The following CDH8 variants were observed in gnomAD, a reference collection of about 807,000 sequenced individuals.
The protein encoded by CDH8 is cadherin 8.
Under a neutral mutation model 68.1 loss-of-function variants are expected in CDH8, and 17 were observed. That is an observed-to-expected ratio of 0.25 (90% confidence interval 0.17 to 0.37). CDH8 has a LOEUF of 0.37. Ranked by LOEUF, CDH8 falls within the 10% of genes least tolerant of loss-of-function variation. The pLI is 1.00. For synonymous variants in CDH8, 372 were observed against 365.1 expected (o/e 1.02, Z -0.21); for missense variants, 763 against 999.3 (o/e 0.76, Z 3.19).
Position 61,752,286 on chromosome 16 carries a change from C to T in CDH8, c.1415-25071G>A, listed in dbSNP as rs573218269. ...TATGGCAGAGACTCTAAAAGAAGGG[C>T]ATGGTTAATGTCTTGAAGTAGTCAA... On this transcript the variant is annotated intron_variant, in intron 8 of 11. Transcript: ENST00000577390. Among the ~76,000 whole-genome samples the T allele has an allele frequency of 2.2e-4, 33 of 152,226 alleles. 1 individual carries two copies. In the South Asian group the frequency reaches 6.8e-3, roughly 32 times the overall value.
intron 2 of CDH8, among the ~76,000 whole-genome samples, chr16:61,923,004 A>G (rs1964395752): frequency 2.0e-5 from 3 of 152,208 alleles, no homozygotes; most frequent in African/African-American, 7.2e-5. Context: ...TCCTTATGCT[A>G]AAACCATTCA....
At chr16:61,811,110 A>G (rs184876690) in intron 7 of CDH8, among the ~76,000 whole-genome samples, 54 of 151,894 alleles carry the variant, frequency 3.6e-4, no homozygotes, top group Admixed American at 3.5e-3. Context: ...CCTCTGTATT[A>G]TAGGCTCACA....
At chr16:61,951,091 AATCATC>A (rs144502941) in intron 2 of CDH8, among the ~76,000 whole-genome samples, 3 of 151,274 alleles carry the variant, frequency 2.0e-5, no homozygotes, top group Non-Finnish European at 2.9e-5. Context: ...GATAACTAGT[AATCATC>A]ATCATCATCA....
chr16:61,916,271 C>T (rs1161935871), intron 2 of CDH8, among the ~76,000 whole-genome samples: 3 of 152,030 alleles, frequency 2.0e-5, no homozygotes, highest in South Asian at 4.1e-4. Context: ...CCCAGCACTT[C>T]GGGAGGCTGA....
At chr16:61,763,920 T>C (rs113286564) in intron 8 of CDH8, among the ~76,000 whole-genome samples, 2,161 of 152,264 alleles carry the variant, frequency 0.014, 54 homozygotes, top group African/African-American at 0.049. Context: ...ATACATTCAT[T>C]AATAATAGTT....
At chr16:61,945,437 TAA>T (rs59806534) in intron 2 of CDH8, among the ~76,000 whole-genome samples, 49 of 120,354 alleles carry the variant, frequency 4.1e-4, no homozygotes, top group Admixed American at 5.2e-4. Context: ...GATGCATGAT[TAA>T]AAAAAAAAAA....
At chr16:61,847,115 G>GAA (rs1192998136) in intron 4 of CDH8, among the ~76,000 whole-genome samples, 2 of 151,934 alleles carry the variant, frequency 1.3e-5, no homozygotes, top group Non-Finnish European at 2.9e-5. Context: ...AAATCCTTCT[G>GAA]AAAAAGCCCA....
chr16:61,682,735 T>C (rs1434305532), intron 10 of CDH8, among the ~76,000 whole-genome samples: 1 of 151,962 alleles, frequency 6.6e-6, no homozygotes, highest in East Asian at 1.9e-4. Flanking sequence ...CAAGAAGCCA[T>C]GGAGCACTTG....
intron 3 of CDH8, among the ~76,000 whole-genome samples, chr16:61,878,833 G>A (rs1440400835): frequency 2.6e-5 from 4 of 152,186 alleles, no homozygotes; most frequent in East Asian, 1.9e-4. Flanking sequence ...TTACACAGTC[G>A]AATTTGCATG....
intron 7 of CDH8, among the ~76,000 whole-genome samples, chr16:61,801,807 AG>A (rs1311763857): frequency 6.6e-6 from 1 of 152,238 alleles, no homozygotes; most frequent in Non-Finnish European, 1.5e-5. Flanking sequence ...CCTGGCTCGG[AG>A]GGCCCTACGC....
intron 8 of CDH8, among the ~76,000 whole-genome samples, chr16:61,747,672 C>T (rs2142939353): frequency 6.6e-6 from 1 of 151,704 alleles, no homozygotes; most frequent in East Asian, 1.9e-4. Context: ...TTTATTTTTA[C>T]CCTGAATTAA....
At chr16:61,912,788 T>C (rs1964181628) in intron 2 of CDH8, among the ~76,000 whole-genome samples, 1 of 152,108 alleles carries the variant, frequency 6.6e-6, no homozygotes, top group African/African-American at 2.4e-5. Context: ...TCTTCTCAGA[T>C]TATCCTACAG....
chr16:61,702,294 C>T (rs1395569725), intron 10 of CDH8, among the ~76,000 whole-genome samples: 2 of 152,068 alleles, frequency 1.3e-5, no homozygotes, highest in Non-Finnish European at 2.9e-5. Context: ...ATGGCGTGAG[C>T]CCGGGAGGCG....
At chr16:61,956,200 A>G (rs986483921) in intron 2 of CDH8, among the ~76,000 whole-genome samples, 2 of 152,094 alleles carry the variant, frequency 1.3e-5, no homozygotes, top group African/African-American at 4.8e-5. Flanking sequence ...AGAAACACTC[A>G]TATACATTCA....
intron 8 of CDH8, among the ~76,000 whole-genome samples, chr16:61,755,510 G>A (rs1221951842): frequency 6.6e-6 from 1 of 151,950 alleles, no homozygotes; most frequent in Non-Finnish European, 1.5e-5. Context: ...CAAAATAGTA[G>A]AAATAATAGG....
chr16:61,906,151 A>C (rs1000962120), intron 2 of CDH8, among the ~76,000 whole-genome samples: 1 of 152,218 alleles, frequency 6.6e-6, no homozygotes, highest in South Asian at 2.1e-4. Flanking sequence ...AAATGTGACA[A>C]GAAACCATAA....
intron 2 of CDH8, among the ~76,000 whole-genome samples, chr16:61,964,292 G>A (rs1384466297): frequency 6.6e-6 from 1 of 152,174 alleles, no homozygotes; most frequent in Non-Finnish European, 1.5e-5. Flanking sequence ...TCAGGGTTGA[G>A]GATGGCAGGA....
At chr16:61,731,930 T>C (rs1959549538) in intron 8 of CDH8, among the ~76,000 whole-genome samples, 1 of 151,456 alleles carries the variant, frequency 6.6e-6, no homozygotes, top group Non-Finnish European at 1.5e-5. Flanking sequence ...ACAGAAATTA[T>C]TAAAAAGGAA....
chr16:61,858,868 C>T (rs1413032828), intron 3 of CDH8, among the ~76,000 whole-genome samples: 1 of 152,094 alleles, frequency 6.6e-6, no homozygotes, highest in African/African-American at 2.4e-5. Flanking sequence ...CCAAGCAGCT[C>T]CCTTCAGGGG....
Sources: gnomAD v4.1 joint callset for allele counts (sites outside exome capture counted in the v4.1 genomes callset) on GRCh38, gnomAD v4.1.1 for gene constraint, MANE v1.5 for transcripts, NCBI Gene and HGNC (gene_info 2026-07-23, HGNC 2026-07-21) for gene names.